The following RFC1 variants were observed in gnomAD, a reference collection of about 807,000 sequenced individuals.
The protein encoded by RFC1 is A1 140 kDa subunit.
RFC1 carries 37 observed loss-of-function variants against 137.4 expected under a neutral mutation model. The observed-to-expected ratio is 0.27, with a 90% CI of 0.21 to 0.35. RFC1 has a LOEUF of 0.35. Among genes scored for constraint, RFC1 ranks in the 10% least tolerant of loss-of-function variants. The pLI is 1.00. For missense variants in RFC1, 1,205 were observed against 1,358.5 expected (o/e 0.89, Z 1.78); for synonymous variants, 429 against 455.7 (o/e 0.94, Z 0.75).
chr4:39,359,860 G>C (rs1415019790), intron 1 of RFC1, among the ~76,000 whole-genome samples: 1 of 151,484 alleles, frequency 6.6e-6, no homozygotes, highest in Non-Finnish European at 1.5e-5. Flanking sequence ...GGACTCTGGG[G>C]AGTCAGGGAA....
chr4:39,344,067 T>C (rs1464285752), intron 3 of RFC1, among the ~76,000 whole-genome samples: 1 of 150,072 alleles, frequency 6.7e-6, no homozygotes, highest in Non-Finnish European at 1.5e-5. Flanking sequence ...TGACCCAAGA[T>C]CATGCCATTG....
intron 19 of RFC1, among the ~76,000 whole-genome samples, chr4:39,301,553 T>C (rs1446171884): frequency 1.3e-5 from 2 of 152,184 alleles, no homozygotes; most frequent in African/African-American, 4.8e-5. Context: ...ATGTGAGAAC[T>C]CTCTGTACCT....
At chr4:39,362,945 A>G (rs1020257463) in intron 1 of RFC1, among the ~76,000 whole-genome samples, 1 of 152,254 alleles carries the variant, frequency 6.6e-6, no homozygotes, top group Non-Finnish European at 1.5e-5. Flanking sequence ...ATATTATAAT[A>G]AAGTCGAGCA....
intron 23 of RFC1, 63 bp from the exon 24 acceptor site, chr4:39,290,102 T>C (rs567701742): frequency 1.6e-6 from 2 of 1,274,412 alleles, no homozygotes; most frequent in Non-Finnish European, 2.2e-6. Context: ...TTTTAAACTC[T>C]GTAAGCCTAA....
Position 39,308,124 on chromosome 4 carries a change from T to G in RFC1, c.1885+512A>C, listed in dbSNP as rs189994747. On this transcript the variant is annotated intron_variant, in intron 13 of 24. Transcript: ENST00000349703. The stretch of plus-strand genomic sequence containing the variant: ...TACTGGGAGTTTAGGCTGACTGCCC[T>G]GCACGCATGCCTCTGTTATTTATTC... 2.0e-5 allele frequency among the ~76,000 whole-genome samples: 3 copies of G among 152,352 alleles called. No individual in the cohort carries two copies. The East Asian group carries it at 5.8e-4, about 29-fold the overall frequency.
intron 10 of RFC1, among the ~76,000 whole-genome samples, chr4:39,315,881 G>A (rs556827292): frequency 1.3e-5 from 2 of 152,254 alleles, no homozygotes; most frequent in East Asian, 3.9e-4. Flanking sequence ...TGGTACATCA[G>A]CAGCCAGAGC....
intron 21 of RFC1, among the ~76,000 whole-genome samples, chr4:39,299,397 G>A (rs1244866268): frequency 6.6e-6 from 1 of 151,810 alleles, no homozygotes; most frequent in Non-Finnish European, 1.5e-5. Context: ...GCTGGGTTAG[G>A]GTCTCCCCGA....
At chr4:39,321,398 A>C (rs779068851) in intron 7 of RFC1, 24 bp from the exon 8 acceptor site, 22 of 1,589,000 alleles carry the variant, frequency 1.4e-5, no homozygotes, top group African/African-American at 4.1e-5. Flanking sequence ...AAAAGTGTCA[A>C]ATGTGACAAA....
chr4:39,290,022 T>C lies in RFC1; in HGVS notation c.3186A>G (p.Thr1062=). The C allele has an allele frequency of 6.2e-7, 1 of 1,612,720 alleles. No individual in the cohort carries two copies. The highest frequency in any genetic ancestry group is 8.5e-7 in the Non-Finnish European group (1 of 1,179,174). Reference sequence around the variant, plus strand: ...GGTGGGCTTCCTTATTGTAAGCTCTTGTGAAGGCTGCTTTCACCTATATGA... The same window carrying C: ...GGTGGGCTTCCTTATTGTAAGCTCTCGTGAAGGCTGCTTTCACCTATATGA... ...KLDPKVKAAF[T]RAYNKEAHLT... The change falls in exon 24 of 25, where the codon ACA becomes ACG. Residue 1062 remains threonine, a synonymous_variant. Transcript: ENST00000349703.
intron 1 of RFC1, among the ~76,000 whole-genome samples, chr4:39,362,168 C>T (rs899963477): frequency 6.6e-5 from 10 of 152,140 alleles, no homozygotes; most frequent in African/African-American, 2.4e-4. Context: ...AACTGAAGAC[C>T]TAAACAAATG....
At chr4:39,342,518 A>T (rs775517241) in intron 3 of RFC1, 51 bp from the exon 4 acceptor site, 2 of 1,572,686 alleles carry the variant, frequency 1.3e-6, no homozygotes, top group African/African-American at 2.7e-5. Flanking sequence ...CTATTATAAT[A>T]TAGTGCATGT....
At chr4:39,337,438 GT>G (rs1740412115) in intron 4 of RFC1, among the ~76,000 whole-genome samples, 1 of 32,506 alleles carries the variant, frequency 3.1e-5, no homozygotes, top group East Asian at 5.4e-4. Flanking sequence ...TCAAATAAGT[GT>G]GTGTGTGTGT....
intron 21 of RFC1, among the ~76,000 whole-genome samples, chr4:39,298,798 TA>T (rs1169634087): frequency 2.0e-5 from 3 of 152,210 alleles, no homozygotes; most frequent in Non-Finnish European, 4.4e-5. Flanking sequence ...CCATTTACAT[TA>T]AAAATTTTTT....
rs372521756 is a variant in RFC1 at position 39,314,262 on chromosome 4, C to A, written c.1204-1331G>T. ...TTATGGGTTCTTGGATTGAAATGAT[C>A]TACTGTAACACTACAGGAACTTAAC... On this transcript the variant is annotated intron_variant, in intron 10 of 24. Coordinates refer to ENST00000349703, the MANE Select transcript of RFC1 (RefSeq NM_002913.5). 7.2e-5 allele frequency among the ~76,000 whole-genome samples: 11 copies of A among 152,154 alleles called. No individual in the cohort carries two copies. The East Asian group carries it at 2.1e-3, about 29-fold the overall frequency.
intron 9 of RFC1, among the ~76,000 whole-genome samples, chr4:39,320,088 A>G (rs1117782): frequency 0.98 from 148,557 of 152,184 alleles, 72,611 homozygotes; most frequent in Middle Eastern, 1. Context: ...GGTGGCTCAC[A>G]CCTGTAATCC....
intron 11 of RFC1, among the ~76,000 whole-genome samples, chr4:39,312,208 A>G (rs1405026639): frequency 1.3e-5 from 2 of 152,228 alleles, no homozygotes; most frequent in Non-Finnish European, 2.9e-5. Context: ...ACAAGGCAAC[A>G]TGCATGAGGA....
At position 39,306,596 on chromosome 4, in the gene RFC1, C is replaced by A. The variant is rs747174315; in HGVS notation, c.1991G>T (p.Cys664Phe). 2.5e-6 allele frequency: 4 copies of A among 1,580,016 alleles called. No individual in the cohort carries two copies. In the East Asian group the frequency reaches 8.9e-5, roughly 35 times the overall value. Reference sequence around the variant, plus strand: ...ACACTGTGACAACGCACCCACCTGACACACCAGGGAAGCTGTGGTGGTTTT... The same window carrying A: ...ACACTGTGACAACGCACCCACCTGAAACACCAGGGAAGCTGTGGTGGTTTT... ...VGKTTTASLV[C>F]QELGYSYVEL... The change falls in exon 14 of 25, where the codon TGT (cysteine) becomes TTT (phenylalanine). Residue 664 changes from cysteine to phenylalanine, a missense_variant. Physicochemically the swap from Cys to Phe is radical, Grantham distance 205. This residue lies in a region of RFC1 where 962 missense variants were observed against 1,035.3 expected (regional missense o/e 0.93). Transcript: ENST00000349703.
At chr4:39,345,309 C>T in intron 3 of RFC1, 92 bp downstream of exon 3, 5 of 1,088,718 alleles carry the variant, frequency 4.6e-6, no homozygotes, top group African/African-American at 1.6e-5. Context: ...GCATGAGCCA[C>T]CGCACCCATC....
At chr4:39,292,193 T>TA in intron 22 of RFC1, 1 of 278,198 alleles carries the variant, frequency 3.6e-6, no homozygotes, top group African/African-American at 2.2e-5. Context: ...TCCAAAATAT[T>TA]AAAAGCATCA....
Sources: gnomAD v4.1 joint callset for allele counts (sites outside exome capture counted in the v4.1 genomes callset) on GRCh38, gnomAD v4.1.1 for gene constraint, gnomAD v4.1.1 regional missense constraint, MANE v1.5 for transcripts, NCBI Gene and HGNC (gene_info 2026-07-23, HGNC 2026-07-21) for gene names.